Variants in NBAS observed in about 807,000 individuals in gnomAD.
The protein encoded by NBAS is NAG/BC035112 fusion.
A neutral mutation model predicts 302.5 loss-of-function variants in NBAS; 219 were observed. The ratio of observed to expected loss-of-function variants is 0.72; its 90% CI spans 0.65 to 0.81. NBAS has a LOEUF of 0.81. NBAS is among the 30% of genes least tolerant of loss of function. The probability of loss-of-function intolerance (pLI) is 0.00; values close to 1 mark genes in which losing one functional copy is unlikely to be tolerated. For synonymous variants in NBAS, 1,118 were observed against 1,021.6 expected (o/e 1.09, Z -1.80); for missense variants, 2,932 against 2,841.6 (o/e 1.03, Z -0.72).
At chr2:15,476,866 C>T (rs1680215962) in intron 13 of NBAS, among the ~76,000 whole-genome samples, 1 of 152,076 alleles carries the variant, frequency 6.6e-6, no homozygotes, top group Non-Finnish European at 1.5e-5. Flanking sequence ...AAAAGTAAAC[C>T]ATAAATTTAA....
chr2:15,175,316 C>G (rs1335757368), intron 51 of NBAS, among the ~76,000 whole-genome samples: 1 of 152,060 alleles, frequency 6.6e-6, no homozygotes, highest in Non-Finnish European at 1.5e-5. Flanking sequence ...CAGCACAGTC[C>G]AGGACAACCC....
At chr2:14,812,248 C>T in the NBAS span, among the ~76,000 whole-genome samples, 3 of 152,108 alleles carry the variant, frequency 2.0e-5, no homozygotes, top group Non-Finnish European at 2.9e-5. Flanking sequence ...CACAGGGAGA[C>T]AAGACCAAAT....
chr2:14,820,134 C>T, the NBAS span, among the ~76,000 whole-genome samples: 1 of 152,162 alleles, frequency 6.6e-6, no homozygotes, highest in Non-Finnish European at 1.5e-5. Flanking sequence ...AATTGAGCTA[C>T]TATGTGATCT....
chr2:15,445,529 T>G (rs1177767415), intron 21 of NBAS, among the ~76,000 whole-genome samples: 1 of 131,514 alleles, frequency 7.6e-6, no homozygotes, highest in African/African-American at 2.7e-5. Flanking sequence ...GGGGGAGGGA[T>G]AGCATTGGGA....
chr2:15,103,106 A>T, the NBAS span, among the ~76,000 whole-genome samples: 1 of 152,010 alleles, frequency 6.6e-6, no homozygotes, highest in Non-Finnish European at 1.5e-5. Flanking sequence ...CAGTTAAGAA[A>T]ATCACCATGT....
intron 21 of NBAS, among the ~76,000 whole-genome samples, chr2:15,434,893 G>C (rs1449029115): frequency 6.6e-6 from 1 of 152,116 alleles, no homozygotes; most frequent in Admixed American, 6.5e-5. Flanking sequence ...AGAAATATGA[G>C]AGCAATCTAA....
the NBAS span, among the ~76,000 whole-genome samples, chr2:14,800,787 TTTTG>T: frequency 1.4e-5 from 2 of 141,036 alleles, no homozygotes; most frequent in Admixed American, 6.8e-5. Context: ...TTTAAATTGT[TTTTG>T]TTTTTTTTTT....
At chr2:15,535,389 G>A (rs1663438870) in intron 8 of NBAS, among the ~76,000 whole-genome samples, 1 of 152,050 alleles carries the variant, frequency 6.6e-6, no homozygotes, top group South Asian at 2.1e-4. Flanking sequence ...AGGTTTGGTG[G>A]CGGGCACCTG....
At chr2:14,803,578 C>G in the NBAS span, among the ~76,000 whole-genome samples, 2 of 152,110 alleles carry the variant, frequency 1.3e-5, no homozygotes, top group Non-Finnish European at 2.9e-5. Context: ...ACCATTGTTT[C>G]TTTCTGGTGT....
intron 40 of NBAS, among the ~76,000 whole-genome samples, chr2:15,307,214 G>A (rs551561323): frequency 4.6e-5 from 7 of 152,290 alleles, no homozygotes; most frequent in Non-Finnish European, 8.8e-5. Flanking sequence ...ACCCAACAAT[G>A]TATCTTTAAT....
the NBAS span, among the ~76,000 whole-genome samples, chr2:14,815,139 A>G: frequency 7.9e-5 from 12 of 152,324 alleles, no homozygotes; most frequent in East Asian, 3.9e-4. Context: ...TTCATAAATT[A>G]CCAAGTCTTA....
the NBAS span, among the ~76,000 whole-genome samples, chr2:14,921,457 A>G: frequency 2.0e-5 from 3 of 152,222 alleles, no homozygotes; most frequent in Non-Finnish European, 4.4e-5. Flanking sequence ...CTTCCTCAGC[A>G]CAGGGTTGCC....
chr2:15,351,936 C>G (rs1673379615), intron 35 of NBAS, 56 bp downstream of exon 35: 1 of 1,311,888 alleles, frequency 7.6e-7, no homozygotes. Context: ...TTAGGTAATC[C>G]CACTTTATTC....
At chr2:14,906,699 G>A in the NBAS span, among the ~76,000 whole-genome samples, 3 of 152,104 alleles carry the variant, frequency 2.0e-5, no homozygotes, top group East Asian at 5.8e-4. Context: ...AAGACCCAAT[G>A]GCCTGGCTCT....
At chr2:15,379,978 G>T in intron 29 of NBAS, 147 bp from the exon 30 acceptor site, 1 of 675,526 alleles carries the variant, frequency 1.5e-6, no homozygotes, top group Non-Finnish European at 2.6e-6. Context: ...TGTACTAAAT[G>T]ACAATGAACT....
the NBAS span, among the ~76,000 whole-genome samples, chr2:15,071,428 AG>A: frequency 6.6e-6 from 1 of 152,130 alleles, no homozygotes; most frequent in Non-Finnish European, 1.5e-5. Flanking sequence ...GTTGGAGACC[AG>A]CCCGGCCAAT....
chr2:15,295,060 C>T (rs558703913), intron 40 of NBAS, among the ~76,000 whole-genome samples: 1 of 152,296 alleles, frequency 6.6e-6, no homozygotes, highest in East Asian at 1.9e-4. Context: ...TAGTTTTCTT[C>T]CACATTCATT....
chr2:15,442,975 G>C (rs965396066), intron 21 of NBAS, among the ~76,000 whole-genome samples: 25 of 152,208 alleles, frequency 1.6e-4, no homozygotes, highest in African/African-American at 4.1e-4. Context: ...TCTCTGAATA[G>C]ACCAATAACA....
intron 11 of NBAS, among the ~76,000 whole-genome samples, chr2:15,502,706 G>A (rs1456315160): frequency 6.6e-6 from 1 of 152,208 alleles, no homozygotes; most frequent in East Asian, 1.9e-4. Context: ...GTGAGTGTGC[G>A]AGTGAGTGGC....
Sources: allele counts gnomAD v4.1 joint callset (sites outside exome capture counted in the v4.1 genomes callset), GRCh38; gene constraint gnomAD v4.1.1; transcripts MANE v1.5; gene names NCBI Gene and HGNC (gene_info 2026-07-23, HGNC 2026-07-21).